PTPRG: variants seen among roughly 807,000 people sequenced by gnomAD.
PTPRG encodes the protein protein tyrosine phosphatase receptor type G.
Under a neutral mutation model 165.3 loss-of-function variants are expected in PTPRG, and 102 were observed. That is an observed-to-expected ratio of 0.62 (90% CI 0.53 to 0.73). The LOEUF is 0.73. Ranked by LOEUF, PTPRG falls within the 30% of genes least tolerant of loss-of-function variation. The probability of loss-of-function intolerance (pLI) is 0.00; values close to 1 mark genes in which losing one functional copy is unlikely to be tolerated. For synonymous variants in PTPRG, 675 were observed against 669.5 expected, an observed-to-expected ratio of 1.01 and a Z score of -0.13; for missense variants, 1,866 against 1,861.4, an observed-to-expected ratio of 1.00 and a Z score of -0.05.
At chr3:62,106,135 A>G (rs572764132) in intron 5 of PTPRG, among the ~76,000 whole-genome samples, 3 of 152,338 alleles carry the variant, frequency 2.0e-5, no homozygotes, top group East Asian at 1.9e-4. Flanking sequence ...ACTTTTATCT[A>G]TAGCAAAACT....
intron 6 of PTPRG, among the ~76,000 whole-genome samples, chr3:62,147,535 A>G (rs993237351): frequency 1.3e-5 from 2 of 152,198 alleles, no homozygotes; most frequent in Admixed American, 1.3e-4. Flanking sequence ...CTTTGAGTTC[A>G]TATCAAGTCA....
intron 16 of PTPRG, among the ~76,000 whole-genome samples, chr3:62,259,596 T>G (rs994601149): frequency 2.0e-5 from 3 of 152,172 alleles, no homozygotes. Context: ...AAAACGTTTT[T>G]AAACGGTTAT....
chr3:62,203,372 TCTC>T lies in PTPRG; in HGVS notation c.1581_1583del (p.Ser528del). On this transcript the variant is annotated inframe_deletion, in exon 12 of 30. Transcript: ENST00000474889. This position sits in a 1 kb window ranked among gnomAD's most constrained non-coding sequence, Gnocchi z 6.4. ...GGCCTGGGGTTCGGCGGTGGTGGCA[TCTC>T]CTCTTTCCCCAGCACTGTGTGGCCC... 6.2e-7 allele frequency: 1 copy of T among 1,612,880 alleles called. No homozygotes were observed. The highest frequency in any genetic ancestry group is 8.5e-7 in the Non-Finnish European group (1 of 1,179,526).
chr3:61,963,662 A>G (rs944012347), intron 2 of PTPRG, among the ~76,000 whole-genome samples: 7 of 152,328 alleles, frequency 4.6e-5, no homozygotes, highest in Non-Finnish European at 7.4e-5. Context: ...AATTGTTAAT[A>G]GTTCTTACAA....
At chr3:61,982,218 A>C (rs766106477) in intron 2 of PTPRG, among the ~76,000 whole-genome samples, 4 of 152,146 alleles carry the variant, frequency 2.6e-5, no homozygotes, top group Non-Finnish European at 5.9e-5. Context: ...ATAAACACTT[A>C]AGATGTTTGG....
chr3:61,752,785 CAA>C lies in PTPRG; in HGVS notation c.190+3818_190+3819del, dbSNP rs749817659. On this transcript the variant is annotated intron_variant, in intron 2 of 29. Coordinates refer to ENST00000474889, the MANE Select transcript of PTPRG (RefSeq NM_002841.4). ...CCTGGGTGATAGAGCAAGACTGTCT[CAA>C]AAAAAAAAAAAAAAGAAAAAAAAAA... Among the ~76,000 whole-genome samples, 7 of 69,978 alleles carry C rather than the reference CAA, an allele frequency of 1.0e-4. 1 individual carries two copies. Among genetic ancestry groups the C allele is most frequent in the African/African-American group, 1.7e-4 (3 of 17,870 alleles). The allele number at this position is 69,978 out of a possible 152,430, so 45.9% of individuals were successfully genotyped here.
chr3:62,208,115 T>C (rs1700274401), intron 12 of PTPRG, among the ~76,000 whole-genome samples: 1 of 152,190 alleles, frequency 6.6e-6, no homozygotes, highest in African/African-American at 2.4e-5. Context: ...TACTGTAGTG[T>C]TGATTGCTAG....
intron 28 of PTPRG, among the ~76,000 whole-genome samples, chr3:62,292,115 A>G (rs1177572060): frequency 6.6e-6 from 1 of 152,054 alleles, no homozygotes; most frequent in Non-Finnish European, 1.5e-5. Context: ...TGTACCACCC[A>G]ACTCATCACC....
At chr3:62,292,016 A>C (rs1250592294) in intron 28 of PTPRG, among the ~76,000 whole-genome samples, 1 of 151,992 alleles carries the variant, frequency 6.6e-6, no homozygotes, top group Non-Finnish European at 1.5e-5. Flanking sequence ...AACTGTTTGG[A>C]ATTGTTAAAA....
At chr3:62,181,113 A>G (rs149875922) in intron 8 of PTPRG, among the ~76,000 whole-genome samples, 1 of 152,308 alleles carries the variant, frequency 6.6e-6, no homozygotes, top group East Asian at 1.9e-4. Flanking sequence ...TGTAGAAGAA[A>G]AGTCCGCAGG....
intron 10 of PTPRG, among the ~76,000 whole-genome samples, chr3:62,196,371 C>A (rs1699964111): frequency 6.6e-6 from 1 of 151,762 alleles, no homozygotes; most frequent in Non-Finnish European, 1.5e-5. Flanking sequence ...CCACTGCACT[C>A]CAGGCTGGGC....
At chr3:62,242,088 A>G (rs1701171723) in intron 14 of PTPRG, among the ~76,000 whole-genome samples, 1 of 152,242 alleles carries the variant, frequency 6.6e-6, no homozygotes, top group Admixed American at 6.5e-5. Context: ...ATTTAGAGAG[A>G]GAAGGAAGTT....
At chr3:62,236,480 C>G (rs1387329996) in intron 14 of PTPRG, among the ~76,000 whole-genome samples, 1 of 152,122 alleles carries the variant, frequency 6.6e-6, no homozygotes, top group Non-Finnish European at 1.5e-5. Context: ...CTTTTCTTGA[C>G]AGCATGAAAA....
chr3:61,721,363 G>C (rs1269440386), intron 1 of PTPRG, among the ~76,000 whole-genome samples: 2 of 152,166 alleles, frequency 1.3e-5, no homozygotes, highest in African/African-American at 4.8e-5. Flanking sequence ...GGTTACAGGT[G>C]CCTCCAGTAG....
At chr3:62,102,112 A>C (rs1036493312) in intron 5 of PTPRG, among the ~76,000 whole-genome samples, 1 of 152,102 alleles carries the variant, frequency 6.6e-6, no homozygotes, top group Non-Finnish European at 1.5e-5. Context: ...ATAGAGGCTC[A>C]TTGTGTGTTC....
chr3:62,131,732 T>C (rs988725644), intron 5 of PTPRG, among the ~76,000 whole-genome samples: 1 of 152,162 alleles, frequency 6.6e-6, no homozygotes, highest in Non-Finnish European at 1.5e-5. Context: ...ACCCATCCTA[T>C]ACCCACCACC....
chr3:62,219,878 A>G lies in PTPRG; in HGVS notation c.2288+895A>G, dbSNP rs574327586. ...GTTTAGTGGAGGAGGCAGGCAATAA[A>G]CAAAGCAAATAAGTAAAACATGTAA... On this transcript the variant is annotated intron_variant, in intron 13 of 29. Transcript: ENST00000474889. This position sits in a 1 kb window ranked among gnomAD's most constrained non-coding sequence, Gnocchi z 4.5. Among the ~76,000 whole-genome samples the G allele has an allele frequency of 1.3e-5, 2 of 152,384 alleles. No homozygotes were observed. Among genetic ancestry groups the G allele is most frequent in the Non-Finnish European group, 2.9e-5 (2 of 68,044 alleles).
intron 2 of PTPRG, among the ~76,000 whole-genome samples, chr3:61,794,946 T>A (rs1391186634): frequency 6.6e-6 from 1 of 152,124 alleles, no homozygotes; most frequent in Non-Finnish European, 1.5e-5. Flanking sequence ...GAATACTAAG[T>A]TGGTGGTGGT....
Position 61,839,811 on chromosome 3 carries a change from A to G in PTPRG, c.190+90829A>G, listed in dbSNP as rs112492663. ...TTTCTGTACCATACCTGCTTCCCTC[A>G]CCTCTCAACTCTCACCCCCTTCCCC... is the stretch of plus-strand genomic sequence containing the variant. On this transcript the variant is annotated intron_variant, in intron 2 of 29. Coordinates refer to ENST00000474889, the MANE Select transcript of PTPRG (RefSeq NM_002841.4). Among the ~76,000 whole-genome samples, 1,416 of 151,954 alleles carry G rather than the reference A, an allele frequency of 9.3e-3. 26 individuals are homozygous for G. Among genetic ancestry groups the G allele is most frequent in the African/African-American group, 0.033 (1,360 of 41,448 alleles).
Sources: gnomAD v4.1 joint callset for allele counts (sites outside exome capture counted in the v4.1 genomes callset) on GRCh38, gnomAD v4.1.1 for gene constraint, Gnocchi (gnomAD v3.1) non-coding constraint, MANE v1.5 for transcripts, NCBI Gene and HGNC (gene_info 2026-07-23, HGNC 2026-07-21) for gene names.